ITPR1: variants seen among roughly 807,000 people sequenced by gnomAD.
ITPR1 encodes the protein inositol 1,4,5-trisphosphate receptor type 1.
In ITPR1, 96 loss-of-function variants were observed where a neutral mutation model predicts 318.4. That is an observed-to-expected ratio of 0.30 (90% CI 0.26 to 0.36). The LOEUF (loss-of-function observed/expected upper bound fraction) is 0.36. ITPR1 is among the 10% of genes least tolerant of loss of function. ITPR1 has a pLI of 1.00. For synonymous variants in ITPR1, 1,312 were observed against 1,289.9 expected, an observed-to-expected ratio of 1.02 and a Z score of -0.37; for missense variants, 2,440 against 3,460.2, an observed-to-expected ratio of 0.71 and a Z score of 7.40.
chr3:4,670,629 A>T (rs949587372), intron 19 of ITPR1, 100 bp from the exon 20 acceptor site: 1 of 889,086 alleles, frequency 1.1e-6, no homozygotes, highest in Non-Finnish European at 1.8e-6. Context: ...GAAATACAAA[A>T]CAAAAAGTGT....
intron 44 of ITPR1, chr3:4,751,568 A>C (rs2044524678): frequency 6.6e-6 from 1 of 152,104 alleles, no homozygotes; most frequent in Non-Finnish European, 1.5e-5. Flanking sequence ...AGCCAAACCC[A>C]CCTCTGCCTT....
chr3:4,717,535 T>C, intron 40 of ITPR1, 136 bp downstream of exon 40: 1 of 772,160 alleles, frequency 1.3e-6, no homozygotes. Context: ...CCTCTGGGAG[T>C]GAGTGGAGTC....
chr3:4,830,685 G>A (rs955128420), intron 60 of ITPR1, among the ~76,000 whole-genome samples: 10 of 152,114 alleles, frequency 6.6e-5, no homozygotes, highest in Non-Finnish European at 1.3e-4. Context: ...CATCCAGTTT[G>A]TCTTCCTGCC....
At chr3:4,512,256 G>T (rs145685772) in intron 2 of ITPR1, among the ~76,000 whole-genome samples, 2 of 152,168 alleles carry the variant, frequency 1.3e-5, no homozygotes, top group South Asian at 4.1e-4. Flanking sequence ...ATGAGCCACC[G>T]TGCCTGGTTT....
rs151322987 is a variant in ITPR1, at chr3:4,784,960, A to T, written c.6615+1040A>T. ...AGATGGCCATAATGTGAAAGGGGAG[A>T]CTCCACCTAATCTAGGGAATGCTCA... On this transcript the variant is annotated intron_variant, in intron 51 of 61. Coordinates refer to ENST00000649015, the MANE Select transcript of ITPR1 (RefSeq NM_001378452.1). Among the ~76,000 whole-genome samples, 35 of 151,346 alleles carry T rather than the reference A, an allele frequency of 2.3e-4. No homozygotes were observed. The East Asian group carries it at 6.8e-3, about 29-fold the overall frequency.
intron 55 of ITPR1, among the ~76,000 whole-genome samples, chr3:4,809,085 A>G (rs1224230634): frequency 6.6e-6 from 1 of 152,252 alleles, no homozygotes; most frequent in Non-Finnish European, 1.5e-5. Flanking sequence ...TACCTGTGAC[A>G]TTAGTAAAGG....
intron 42 of ITPR1, among the ~76,000 whole-genome samples, chr3:4,727,501 T>G (rs932748573): frequency 1.8e-4 from 28 of 152,158 alleles, no homozygotes; most frequent in African/African-American, 6.8e-4. Context: ...ACCATTATAA[T>G]TTATAATTTT....
chr3:4,544,760 T>C (rs1359734177), intron 4 of ITPR1, among the ~76,000 whole-genome samples: 1 of 152,224 alleles, frequency 6.6e-6, no homozygotes, highest in Non-Finnish European at 1.5e-5. Flanking sequence ...AGGGTCATTC[T>C]CTTAGCTTGC....
At chr3:4,618,514 A>G (rs1311047189) in intron 4 of ITPR1, among the ~76,000 whole-genome samples, 2 of 152,322 alleles carry the variant, frequency 1.3e-5, no homozygotes, top group African/African-American at 2.4e-5. Context: ...TTTTATGACT[A>G]TGTAAATATT....
Position 4,609,051 on chromosome 3 carries a change from AATATATATATATATATATAT to A in ITPR1, c.164-18692_164-18673del, listed in dbSNP as rs754002503. ...CAAAAGAAAACAACAACAACAACGA[AATATATATATATATATATAT>A]ATATATATATATATATATACACACA... On this transcript the variant is annotated intron_variant, in intron 4 of 61. Transcript: ENST00000649015. Among the ~76,000 whole-genome samples, 24 of 46,568 alleles carry A rather than the reference AATATATATATATATATATAT, an allele frequency of 5.2e-4. 3 individuals are homozygous for A. In the South Asian group the frequency reaches 0.012, roughly 24 times the overall value. The allele number at this position is 46,568 out of a possible 152,430, so 30.6% of individuals were successfully genotyped here. A position where few individuals can be genotyped will look rare whatever the true frequency, so the allele number is the denominator to read the frequency against.
intron 40 of ITPR1, among the ~76,000 whole-genome samples, chr3:4,719,687 A>G (rs1355543711): frequency 3.9e-5 from 6 of 152,330 alleles, no homozygotes; most frequent in Admixed American, 2.6e-4. Flanking sequence ...AAAAAGTACA[A>G]TGCCTACTGA....
chr3:4,743,453 T>C (rs533906917), intron 44 of ITPR1, among the ~76,000 whole-genome samples: 4 of 152,340 alleles, frequency 2.6e-5, no homozygotes, highest in African/African-American at 9.6e-5. Flanking sequence ...CAGTAGGTAA[T>C]GCATGCACCT....
Position 4,836,939 on chromosome 3 carries a change from A to C in ITPR1, c.8190+4A>C. 6.4e-7 allele frequency: 1 copy of C among 1,571,732 alleles called. No individual in the cohort carries two copies. The highest frequency in any genetic ancestry group is 8.7e-7 in the Non-Finnish European group (1 of 1,149,350). On this transcript the variant is annotated splice_donor_region_variant and intron_variant, in intron 61 of 61. Coordinates refer to ENST00000649015, the MANE Select transcript of ITPR1 (RefSeq NM_001378452.1). ...GCTGTCGGAATTAAAGGATCAGGTA[A>C]AGAAAGAAAATCCCAGCGCCTACCC...
chr3:4,699,946 G>T lies in ITPR1; in HGVS notation c.4536+5G>T, dbSNP rs1425738292. 1.9e-6 allele frequency: 3 copies of T among 1,611,604 alleles called. No individual in the cohort carries two copies. The highest frequency in any genetic ancestry group is 2.5e-6 in the Non-Finnish European group (3 of 1,178,062). ...GACCAGAGTACGACTTTGCAGGTAA[G>T]AAATAACCAACGTCAAGCAGAATGT... On this transcript the variant is annotated splice_donor_5th_base_variant and intron_variant, in intron 35 of 61. Coordinates refer to ENST00000649015, the MANE Select transcript of ITPR1 (RefSeq NM_001378452.1).
chr3:4,662,983 C>A lies in ITPR1; in HGVS notation c.1413-82C>A. 7.0e-6 allele frequency: 9 copies of A among 1,282,608 alleles called. No homozygotes were observed. The South Asian group carries it at 1.1e-4, about 16-fold the overall frequency. The allele number at this position is 1,282,608 out of a possible 1,614,324, so 79.5% of individuals were successfully genotyped here. On this transcript the variant is annotated intron_variant, in intron 15 of 61. Coordinates refer to ENST00000649015, the MANE Select transcript of ITPR1 (RefSeq NM_001378452.1). ...TCTGCCCCTGTTTAACTGGCTCATTCGTCCAGAAGGCTTCCAAGGCAAAGC... is the reference window on the plus strand; with the variant it reads ...TCTGCCCCTGTTTAACTGGCTCATTAGTCCAGAAGGCTTCCAAGGCAAAGC...
intron 25 of ITPR1, 52 bp from the exon 26 acceptor site, chr3:4,681,312 A>G: frequency 7.9e-7 from 1 of 1,262,992 alleles, no homozygotes; most frequent in Non-Finnish European, 1.2e-6. Context: ...GTTCACCAGC[A>G]GCATGTTTGC....
intron 4 of ITPR1, among the ~76,000 whole-genome samples, chr3:4,522,397 A>T (rs570439519): frequency 5.3e-5 from 8 of 152,204 alleles, no homozygotes; most frequent in African/African-American, 1.9e-4. Flanking sequence ...AAGCTAAATA[A>T]ATTAGAATAA....
chr3:4,643,598 TG>T (rs36053326), intron 7 of ITPR1, among the ~76,000 whole-genome samples: 120,804 of 149,724 alleles, frequency 0.81, 49,395 homozygotes, highest in East Asian at 0.99. Flanking sequence ...ATTGTTTTTT[TG>T]GGGGGGGGGT....
intron 41 of ITPR1, 113 bp downstream of exon 41, chr3:4,725,694 T>A (rs544715330): frequency 1.1e-6 from 1 of 908,294 alleles, no homozygotes; most frequent in South Asian, 1.4e-5. Flanking sequence ...CGGTGGTAGA[T>A]GTAGGAGGGA....
Sources: allele counts gnomAD v4.1 joint callset (sites outside exome capture counted in the v4.1 genomes callset), GRCh38; gene constraint gnomAD v4.1.1; transcripts MANE v1.5; gene names NCBI Gene and HGNC (gene_info 2026-07-23, HGNC 2026-07-21).